INPP4B: variants seen among roughly 807,000 people sequenced by gnomAD.
INPP4B encodes inositol polyphosphate 4-phosphatase type II.
Under a neutral mutation model 122.5 loss-of-function variants are expected in INPP4B, and 55 were observed. The ratio of observed to expected loss-of-function variants is 0.45; its 90% CI spans 0.36 to 0.56. The LOEUF is 0.56. INPP4B is among the 20% of genes least tolerant of loss of function. INPP4B has a pLI of 0.00. For missense variants in INPP4B, 1,000 were observed against 1,097.7 expected (o/e 0.91, Z 1.26); for synonymous variants, 403 against 388.7 (o/e 1.04, Z -0.43).
At chr4:142,710,517 T>C (rs1459430645) in intron 2 of INPP4B, among the ~76,000 whole-genome samples, 1 of 152,210 alleles carries the variant, frequency 6.6e-6, no homozygotes, top group Admixed American at 6.5e-5. Flanking sequence ...ATGTAGCATT[T>C]TTTTAAAAAG....
chr4:142,118,348 C>G (rs1041491475), intron 21 of INPP4B, among the ~76,000 whole-genome samples: 1 of 151,780 alleles, frequency 6.6e-6, no homozygotes, highest in Non-Finnish European at 1.5e-5. Context: ...CAATCTTAAG[C>G]CAAAAGAAGA....
At chr4:142,310,488 T>C (rs1247155596) in intron 8 of INPP4B, among the ~76,000 whole-genome samples, 1 of 152,174 alleles carries the variant, frequency 6.6e-6, no homozygotes, top group Non-Finnish European at 1.5e-5. Flanking sequence ...ATTATATCCA[T>C]TGAACACTGC....
chr4:142,332,814 C>A (rs1214087329), intron 7 of INPP4B, among the ~76,000 whole-genome samples: 1 of 148,992 alleles, frequency 6.7e-6, no homozygotes, highest in African/African-American at 2.5e-5. Flanking sequence ...ACCAACCTGG[C>A]TAACAAGGCG....
At chr4:142,468,342 G>A (rs1205680758) in intron 2 of INPP4B, among the ~76,000 whole-genome samples, 1 of 152,092 alleles carries the variant, frequency 6.6e-6, no homozygotes, top group African/African-American at 2.4e-5. Flanking sequence ...AGAGGTTTTG[G>A]GATATTATAG....
intron 7 of INPP4B, among the ~76,000 whole-genome samples, chr4:142,397,296 C>G (rs1799661192): frequency 6.6e-6 from 1 of 152,044 alleles, no homozygotes; most frequent in Admixed American, 6.6e-5. Flanking sequence ...ACGTAGTACA[C>G]ATTTTAAAAA....
At chr4:142,817,639 G>A (rs536913246) in intron 1 of INPP4B, among the ~76,000 whole-genome samples, 1 of 152,210 alleles carries the variant, frequency 6.6e-6, no homozygotes, top group Admixed American at 6.5e-5. Context: ...TAGCATGCCA[G>A]CCCACATAAA....
chr4:142,167,384 G>A (rs1018228771), intron 16 of INPP4B, among the ~76,000 whole-genome samples: 2 of 151,748 alleles, frequency 1.3e-5, no homozygotes, highest in Admixed American at 1.3e-4. Flanking sequence ...ACATACTGGG[G>A]ACTTTGGGAA....
chr4:142,307,658 G>C (rs1763938388), intron 8 of INPP4B, among the ~76,000 whole-genome samples: 1 of 152,140 alleles, frequency 6.6e-6, no homozygotes, highest in Non-Finnish European at 1.5e-5. Context: ...TACTGCTGTA[G>C]TGAATTTTAT....
intron 6 of INPP4B, 85 bp downstream of exon 6, chr4:142,405,121 G>C (rs1168748488): frequency 2.8e-6 from 2 of 704,128 alleles, no homozygotes; most frequent in Non-Finnish European, 5.0e-6. Flanking sequence ...GCGGGGGTGG[G>C]GGGGAGGGAG....
intron 16 of INPP4B, among the ~76,000 whole-genome samples, chr4:142,168,838 T>C (rs574963846): frequency 1.1e-4 from 16 of 151,734 alleles, no homozygotes; most frequent in East Asian, 5.8e-4. Context: ...CTGTGAATTC[T>C]AGCAATCTTG....
At chr4:142,710,751 A>G (rs1763022027) in intron 2 of INPP4B, among the ~76,000 whole-genome samples, 1 of 152,144 alleles carries the variant, frequency 6.6e-6, no homozygotes, top group Non-Finnish European at 1.5e-5. Flanking sequence ...AATGCCACAA[A>G]TTTACTTCTA....
intron 2 of INPP4B, among the ~76,000 whole-genome samples, chr4:142,687,440 G>A (rs1235256167): frequency 6.6e-6 from 1 of 151,434 alleles, no homozygotes; most frequent in African/African-American, 2.4e-5. Context: ...ACAAGCTCTT[G>A]TAGAATTGTT....
rs2152251422 is a variant in INPP4B, at chr4:142,028,036, T to G, written c.*746A>C. 4.7e-6 allele frequency: 1 copy of G among 214,854 alleles called. No individual in the cohort carries two copies. The highest frequency in any genetic ancestry group is 5.8e-5 in the Admixed American group (1 of 17,110). 13.3% of individuals were successfully genotyped at this position (214,854 alleles called of 1,614,324 possible). A position where few individuals can be genotyped will look rare whatever the true frequency, so the allele number is the denominator to read the frequency against. ...TGTTCATTTTTATTTTATTTGTAAT[T>G]TTAGATCATTGCAGTGTTTTGCTTA... is the stretch of plus-strand genomic sequence containing the variant. On this transcript the variant is annotated 3_prime_UTR_variant, in exon 26 of 26. Coordinates refer to ENST00000262992, the MANE Select transcript of INPP4B (RefSeq NM_001101669.3).
chr4:142,139,825 C>T (rs1213031517), intron 18 of INPP4B, among the ~76,000 whole-genome samples: 4 of 152,114 alleles, frequency 2.6e-5, no homozygotes, highest in African/African-American at 4.8e-5. Context: ...GACAGCTGTG[C>T]GTTTGTCGGT....
intron 2 of INPP4B, among the ~76,000 whole-genome samples, chr4:142,718,717 T>G (rs1381517959): frequency 6.6e-6 from 1 of 152,200 alleles, no homozygotes; most frequent in Admixed American, 6.5e-5. Flanking sequence ...TGATTTCAAA[T>G]GTCTGCCTCA....
At chr4:142,323,756 T>C (rs1579735086) in intron 7 of INPP4B, among the ~76,000 whole-genome samples, 2 of 151,954 alleles carry the variant, frequency 1.3e-5, no homozygotes, top group East Asian at 1.9e-4. Context: ...ATCTTTTTTT[T>C]TTTTTTAATG....
At chr4:142,828,264 G>C (rs534308131) in intron 1 of INPP4B, among the ~76,000 whole-genome samples, 71 of 152,206 alleles carry the variant, frequency 4.7e-4, no homozygotes, top group African/African-American at 1.7e-3. Flanking sequence ...TAGATATTAA[G>C]GCCTTAAATC....
rs373415315 is a variant in INPP4B at position 142,662,643 on chromosome 4, G to C, written c.-191+63196C>G. On this transcript the variant is annotated intron_variant, in intron 2 of 25. Transcript: ENST00000262992. Reference sequence around the variant, plus strand: ...TAGATCTGAGATGGAGAACTCAGAGGCACCAGAGTATGGTGGAATCAAAAG... The same window carrying C: ...TAGATCTGAGATGGAGAACTCAGAGCCACCAGAGTATGGTGGAATCAAAAG... Among the ~76,000 whole-genome samples, 48 of 152,250 alleles carry C rather than the reference G, an allele frequency of 3.2e-4. 1 individual carries two copies. Among genetic ancestry groups the C allele is most frequent in the African/African-American group, 1.1e-3 (46 of 41,530 alleles).
chr4:142,405,800 G>T (rs1803209825), intron 5 of INPP4B, among the ~76,000 whole-genome samples: 2 of 152,002 alleles, frequency 1.3e-5, no homozygotes, highest in African/African-American at 4.8e-5. Flanking sequence ...GCCTCCCACA[G>T]TAATACACAC....
Sources: allele counts gnomAD v4.1 joint callset (sites outside exome capture counted in the v4.1 genomes callset), GRCh38; gene constraint gnomAD v4.1.1; transcripts MANE v1.5; gene names NCBI Gene and HGNC (gene_info 2026-07-23, HGNC 2026-07-21).